The following RBFOX2 variants were observed in gnomAD, a reference collection of about 807,000 sequenced individuals.
RBFOX2 encodes RNA binding protein fox-1 homolog 2.
In RBFOX2, 10 loss-of-function variants were observed where a neutral mutation model predicts 49.1. The observed-to-expected ratio is 0.20, with a 90% CI of 0.13 to 0.35. The LOEUF is 0.35. Among genes scored for constraint, RBFOX2 ranks in the 10% least tolerant of loss-of-function variants. The probability of loss-of-function intolerance (pLI) is 1.00; values close to 1 mark genes in which losing one functional copy is unlikely to be tolerated. For missense variants in RBFOX2, 323 were observed against 486.9 expected, an observed-to-expected ratio of 0.66 and a Z score of 3.17; for synonymous variants, 183 against 187.4, an observed-to-expected ratio of 0.98 and a Z score of 0.19.
At chr22:35,844,010 T>C (rs56275388), upstream of RBFOX2, among the ~76,000 whole-genome samples, 25,508 of 152,198 alleles carry the variant, frequency 0.17, 2,561 homozygotes, top group Middle Eastern at 0.29. Flanking sequence ...TTTGAGCACA[T>C]ACATCTCTTC....
rs144095234 is a variant in RBFOX2, at chr22:35,763,130, C to T, written c.608-1662G>A. Among the ~76,000 whole-genome samples the T allele has an allele frequency of 2.7e-4, 41 of 152,318 alleles. No homozygotes were observed. The East Asian group carries it at 7.7e-3, about 29-fold the overall frequency. ...TGAGAATTCATTAGGAGGAACCCAA[C>T]AAATTCTTCTTAGGACCTTTAACAC... On this transcript the variant is annotated intron_variant, in intron 6 of 11. Transcript: ENST00000405409.
chr22:35,754,241 G>A (rs558130193), intron 9 of RBFOX2, among the ~76,000 whole-genome samples: 14 of 151,596 alleles, frequency 9.2e-5, no homozygotes, highest in Non-Finnish European at 1.8e-4. Context: ...ACAGGCGCCC[G>A]CCACCACGCC....
At chr22:35,935,096 G>A (rs1351703690) in intron 1 of RBFOX2, among the ~76,000 whole-genome samples, 2 of 151,880 alleles carry the variant, frequency 1.3e-5, no homozygotes, top group South Asian at 2.1e-4. Context: ...CACTACACCC[G>A]GCTGATTTTT....
chr22:35,867,223 A>C (rs370900963), intron 1 of RBFOX2, among the ~76,000 whole-genome samples: 1 of 152,228 alleles, frequency 6.6e-6, no homozygotes, highest in Non-Finnish European at 1.5e-5. Flanking sequence ...TGTCACAAGT[A>C]GTTTGCCTAT....
At chr22:35,937,138 T>C (rs1445773832) in intron 1 of RBFOX2, among the ~76,000 whole-genome samples, 1 of 152,158 alleles carries the variant, frequency 6.6e-6, no homozygotes, top group African/African-American at 2.4e-5. Flanking sequence ...TTTTAAACAT[T>C]TGAATGGGTA....
intron 1 of RBFOX2, among the ~76,000 whole-genome samples, chr22:35,869,148 A>T (rs905070119): frequency 6.6e-6 from 1 of 152,030 alleles, no homozygotes; most frequent in Non-Finnish European, 1.5e-5. Flanking sequence ...CAGCTCCAAC[A>T]CATTCCAACT....
chr22:35,915,307 G>A lies in RBFOX2; in HGVS notation c.-34+23540C>T, dbSNP rs540109785. Among the ~76,000 whole-genome samples the A allele has an allele frequency of 2.1e-4, 32 of 152,286 alleles. 1 individual carries two copies. The highest frequency in any genetic ancestry group is 4.1e-4 in the African/African-American group (17 of 41,570). ...TCTGCCCAAGTTATTAATCCAGGAC[G>A]GGGCCACTTAACTAAATTAGTTGAG... is the stretch of plus-strand genomic sequence containing the variant. On this transcript the variant is annotated intron_variant, in intron 1 of 13. Coordinates refer to the RBFOX2 transcript ENST00000359369.
At chr22:35,895,077 C>CCTCT (rs967980077) in intron 1 of RBFOX2, among the ~76,000 whole-genome samples, 1 of 150,214 alleles carries the variant, frequency 6.7e-6, no homozygotes, top group Non-Finnish European at 1.5e-5. Flanking sequence ...TCCGTCCCTC[C>CCTCT]CTCTCTCTCT....
At chr22:35,769,074 T>TA (rs1304592913) in intron 4 of RBFOX2, among the ~76,000 whole-genome samples, 5 of 152,174 alleles carry the variant, frequency 3.3e-5, no homozygotes, top group African/African-American at 1.2e-4. Flanking sequence ...GATTGACACT[T>TA]AGAGTAAAAA....
exon 12 of RBFOX2, chr22:35,744,103 T>C (rs1461210191): frequency 5.8e-6 from 6 of 1,041,664 alleles, no homozygotes; most frequent in Non-Finnish European, 7.9e-6. Flanking sequence ...TTGTTTGTTT[T>C]TCCTCTTCAT....
intron 1 of RBFOX2, among the ~76,000 whole-genome samples, chr22:35,932,749 C>T (rs532312078): frequency 1.3e-5 from 2 of 152,014 alleles, no homozygotes; most frequent in African/African-American, 2.4e-5. Context: ...GGCTTAGTGT[C>T]GCATGTCTGT....
chr22:35,807,095 C>A (rs966160124), intron 2 of RBFOX2, among the ~76,000 whole-genome samples: 2 of 152,174 alleles, frequency 1.3e-5, no homozygotes, highest in Admixed American at 1.3e-4. Context: ...TGAGCCACCC[C>A]ACCTGGCCCT....
At chr22:35,846,445 A>G (rs1184760942) in intron 1 of RBFOX2, among the ~76,000 whole-genome samples, 3 of 151,758 alleles carry the variant, frequency 2.0e-5, no homozygotes, top group East Asian at 3.9e-4. Flanking sequence ...TGAGGACCTG[A>G]GCATACCTCA....
At chr22:36,004,908 C>T (rs536963354) in intron 1 of RBFOX2, among the ~76,000 whole-genome samples, 1 of 152,306 alleles carries the variant, frequency 6.6e-6, no homozygotes, top group African/African-American at 2.4e-5. Context: ...ATAGGAACAG[C>T]AGCTACTTCT....
At chr22:35,765,354 T>C (rs1206106179) in intron 6 of RBFOX2, 69 bp downstream of exon 7, 9 of 1,118,386 alleles carry the variant, frequency 8.0e-6, no homozygotes, top group Non-Finnish European at 1.0e-5. Context: ...AAGACATTCT[T>C]AGAAGTTTAT....
chr22:35,991,109 A>C (rs2057959906), intron 1 of RBFOX2, among the ~76,000 whole-genome samples: 1 of 152,192 alleles, frequency 6.6e-6, no homozygotes, highest in Admixed American at 6.5e-5. Flanking sequence ...TTTAAAAATT[A>C]CAAAAACAAA....
intron 2 of RBFOX2, among the ~76,000 whole-genome samples, chr22:35,808,285 A>AATAG (rs905438238): frequency 1.3e-5 from 2 of 152,034 alleles, no homozygotes; most frequent in African/African-American, 4.8e-5. Flanking sequence ...TAGACTCTTA[A>AATAG]ATTATCTATT....
intron 1 of RBFOX2, among the ~76,000 whole-genome samples, chr22:35,885,596 T>G (rs1485021485): frequency 6.6e-6 from 1 of 152,102 alleles, no homozygotes. Flanking sequence ...TACAAGAATC[T>G]TGCCAGTGAT....
chr22:35,800,292 T>C (rs1474213517), intron 2 of RBFOX2, among the ~76,000 whole-genome samples: 5 of 152,148 alleles, frequency 3.3e-5, no homozygotes, highest in Non-Finnish European at 7.4e-5. Flanking sequence ...TGCTCCTCTA[T>C]TCACCCTGCA....
Sources: allele counts gnomAD v4.1 joint callset (sites outside exome capture counted in the v4.1 genomes callset), GRCh38; gene constraint gnomAD v4.1.1; transcripts MANE v1.5; gene names NCBI Gene and HGNC (gene_info 2026-07-23, HGNC 2026-07-21).